Variants in NELL1 observed in about 807,000 individuals in gnomAD.
NELL1 encodes the protein neural EGFL like 1, also known as protein kinase C-binding protein NELL1.
A neutral mutation model predicts 107.4 loss-of-function variants in NELL1; 76 were observed. That is an observed-to-expected ratio of 0.71 (90% CI 0.59 to 0.86). The LOEUF (loss-of-function observed/expected upper bound fraction) is 0.86. NELL1 is among the 40% of genes least tolerant of loss of function. The pLI is 0.00. For synonymous variants in NELL1, 353 were observed against 341.2 expected, an observed-to-expected ratio of 1.03 and a Z score of -0.38; for missense variants, 1,024 against 1,005.5, an observed-to-expected ratio of 1.02 and a Z score of -0.25.
rs151201403 is a variant in NELL1 at position 21,276,389 on chromosome 11, A to C, written c.1549+46935A>C. On this transcript the variant is annotated intron_variant, in intron 14 of 19. Transcript: ENST00000357134. ...AGAACTACAAACCACTGCTCAATGAAATAAAAGAGGATACAGAGAAATGGA... is the reference window on the plus strand; with the variant it reads ...AGAACTACAAACCACTGCTCAATGACATAAAAGAGGATACAGAGAAATGGA... Among the ~76,000 whole-genome samples, 404 of 152,330 alleles carry C rather than the reference A, an allele frequency of 2.7e-3. 2 individuals are homozygous for C. The highest frequency in any genetic ancestry group is 9.1e-3 in the African/African-American group (378 of 41,572).
intron 13 of NELL1, among the ~76,000 whole-genome samples, chr11:21,173,992 C>G (rs1447603155): frequency 6.6e-6 from 1 of 151,750 alleles, no homozygotes; most frequent in Middle Eastern, 3.2e-3. Context: ...TTAATCCTTA[C>G]AAACAATTCC....
chr11:21,143,133 T>C (rs2133774441), intron 13 of NELL1, among the ~76,000 whole-genome samples: 1 of 152,298 alleles, frequency 6.6e-6, no homozygotes, highest in Non-Finnish European at 1.5e-5. Context: ...TTTTACACCT[T>C]TACTAGTTGC....
intron 13 of NELL1, among the ~76,000 whole-genome samples, chr11:21,196,816 A>G (rs912056219): frequency 5.9e-5 from 9 of 151,770 alleles, no homozygotes; most frequent in Non-Finnish European, 1.5e-5. Context: ...TAAGAGGTAC[A>G]TCACAAATAT....
intron 10 of NELL1, among the ~76,000 whole-genome samples, chr11:20,940,783 C>T (rs1328493158): frequency 6.6e-6 from 1 of 152,174 alleles, no homozygotes; most frequent in Non-Finnish European, 1.5e-5. Flanking sequence ...ATTAGGTAGA[C>T]AGGCATCTTT....
intron 2 of NELL1, among the ~76,000 whole-genome samples, chr11:20,742,802 C>G (rs1296243284): frequency 6.6e-6 from 1 of 152,170 alleles, no homozygotes; most frequent in Non-Finnish European, 1.5e-5. Flanking sequence ...AGTGAGGACA[C>G]AGCCAAACCA....
chr11:21,105,142 G>T (rs1293569505), intron 12 of NELL1, among the ~76,000 whole-genome samples: 1 of 152,096 alleles, frequency 6.6e-6, no homozygotes, highest in Non-Finnish European at 1.5e-5. Context: ...ATTGTCTGGG[G>T]TAAATACCCA....
intron 15 of NELL1, among the ~76,000 whole-genome samples, chr11:21,405,719 T>C (rs1187048002): frequency 6.6e-6 from 1 of 152,028 alleles, no homozygotes; most frequent in Non-Finnish European, 1.5e-5. Flanking sequence ...TTTCTCAATG[T>C]GTTGAAAGAC....
chr11:20,695,511 G>T (rs2133872707), intron 2 of NELL1, among the ~76,000 whole-genome samples: 1 of 152,162 alleles, frequency 6.6e-6, no homozygotes, highest in East Asian at 1.9e-4. Flanking sequence ...AGAGACGTTG[G>T]ATTTTATCAA....
At chr11:21,119,827 T>C (rs1855323665) in intron 13 of NELL1, among the ~76,000 whole-genome samples, 1 of 152,098 alleles carries the variant, frequency 6.6e-6, no homozygotes. Flanking sequence ...TATTGGCCTC[T>C]GACTTTCATT....
At position 21,113,687 on chromosome 11, in the gene NELL1, A is replaced by G. The variant is rs779110747; in HGVS notation, c.1399A>G (p.Ile467Val). Residue 467 changes from isoleucine to valine, a missense_variant, in exon 13 of 20, where the codon ATT becomes GTT. Physicochemically the swap from Ile to Val is conservative, Grantham distance 29. Coordinates refer to ENST00000357134, the MANE Select transcript of NELL1 (RefSeq NM_006157.5). ...TCGCTGTGACTGTGTCCCAGGATACATTCGTGTGGATGACTTCTCTTGTAC... is the reference window on the plus strand; with the variant it reads ...TCGCTGTGACTGTGTCCCAGGATACGTTCGTGTGGATGACTTCTCTTGTAC... ...LYRCDCVPGY[I>V]RVDDFSCTEH... The G allele has an allele frequency of 6.2e-7, 1 of 1,611,920 alleles. No individual in the cohort carries two copies. Among genetic ancestry groups the G allele is most frequent in the Non-Finnish European group, 8.5e-7 (1 of 1,178,594 alleles).
chr11:21,196,526 T>C (rs1421428705), intron 13 of NELL1, among the ~76,000 whole-genome samples: 2 of 152,138 alleles, frequency 1.3e-5, no homozygotes, highest in Admixed American at 6.6e-5. Context: ...GATAATCGTA[T>C]GGTTTATTTC....
intron 2 of NELL1, among the ~76,000 whole-genome samples, chr11:20,704,883 G>C (rs573208331): frequency 2.0e-5 from 3 of 152,120 alleles, no homozygotes; most frequent in Non-Finnish European, 4.4e-5. Context: ...CAAACAGAGA[G>C]CCAAATCATG....
intron 12 of NELL1, among the ~76,000 whole-genome samples, chr11:21,109,673 T>G (rs768327785): frequency 3.3e-5 from 5 of 152,158 alleles, no homozygotes; most frequent in Non-Finnish European, 4.4e-5. Flanking sequence ...TGATTTTTGT[T>G]TTGTAATTAT....
intron 12 of NELL1, among the ~76,000 whole-genome samples, chr11:20,988,485 A>G (rs1304891849): frequency 1.5e-5 from 2 of 134,660 alleles, no homozygotes; most frequent in Non-Finnish European, 3.2e-5. Flanking sequence ...ATCTATATAT[A>G]CACATGTACA....
At chr11:21,378,267 A>G (rs565376856) in intron 15 of NELL1, among the ~76,000 whole-genome samples, 12 of 23,160 alleles carry the variant, frequency 5.2e-4, no homozygotes, top group South Asian at 1.6e-3. Flanking sequence ...ATATATATGT[A>G]TATATATATA....
At chr11:20,953,205 A>G (rs1851102748) in intron 11 of NELL1, among the ~76,000 whole-genome samples, 1 of 152,156 alleles carries the variant, frequency 6.6e-6, no homozygotes, top group African/African-American at 2.4e-5. Flanking sequence ...AGAGGTATTG[A>G]CGTTCTAAGA....
intron 15 of NELL1, among the ~76,000 whole-genome samples, chr11:21,440,238 A>G (rs1853245048): frequency 6.6e-6 from 1 of 152,160 alleles, no homozygotes; most frequent in Admixed American, 6.5e-5. Context: ...GATTGGGTCA[A>G]TGCTCTAAGT....
At chr11:20,856,706 G>A (rs1042432088) in intron 4 of NELL1, among the ~76,000 whole-genome samples, 18 of 152,210 alleles carry the variant, frequency 1.2e-4, no homozygotes, top group Non-Finnish European at 2.6e-4. Context: ...AGAGGCTGGG[G>A]AAATGCTGAT....
At chr11:21,453,058 G>A (rs1277214941) in intron 15 of NELL1, among the ~76,000 whole-genome samples, 1 of 151,850 alleles carries the variant, frequency 6.6e-6, no homozygotes, top group Non-Finnish European at 1.5e-5. Context: ...AATATTTACT[G>A]AAAATTGTTT....
Sources: allele counts gnomAD v4.1 joint callset (sites outside exome capture counted in the v4.1 genomes callset), GRCh38; gene constraint gnomAD v4.1.1; transcripts MANE v1.5; gene names NCBI Gene and HGNC (gene_info 2026-07-23, HGNC 2026-07-21).